ZNF331: variants seen among roughly 807,000 people sequenced by gnomAD.
The protein encoded by ZNF331 is zinc finger protein 331, also known as C2H2-like zinc finger protein rearranged in thyroid adenomas.
Under a neutral mutation model 7.0 loss-of-function variants are expected in ZNF331, and 2 were observed. The observed-to-expected ratio is 0.29, with a 90% confidence interval of 0.12 to 0.90. The LOEUF (loss-of-function observed/expected upper bound fraction) is 0.90. Ranked by LOEUF, ZNF331 falls within the 40% of genes least tolerant of loss-of-function variation. The pLI is 0.58. For synonymous variants in ZNF331, 196 were observed against 205.4 expected, an observed-to-expected ratio of 0.95 and a Z score of 0.39; for missense variants, 432 against 587.7, an observed-to-expected ratio of 0.74 and a Z score of 2.74.
At chr19:53,507,507 T>C in the ZNF331 span, among the ~76,000 whole-genome samples, 3 of 152,024 alleles carry the variant, frequency 2.0e-5, no homozygotes, top group Middle Eastern at 3.2e-3. Flanking sequence ...TCGGTGAAAA[T>C]TTTATGCCCT....
At chr19:53,504,595 C>T in the ZNF331 span, among the ~76,000 whole-genome samples, 119 of 152,144 alleles carry the variant, frequency 7.8e-4, no homozygotes, top group African/African-American at 2.7e-3. Context: ...CTGTGTCCCT[C>T]GGAGTAGACG....
chr19:53,506,400 ACTCTCTCTCTCCTCTCTCTCTCTCT>A, the ZNF331 span, among the ~76,000 whole-genome samples: 269 of 105,566 alleles, frequency 2.5e-3, 7 homozygotes, highest in African/African-American at 9.7e-3. Flanking sequence ...CCACATACAC[ACTCTCTCTCTCCTCTCTCTCTCTCT>A]CTCTCTCTCT....
rs1383580596 is a variant in ZNF331, at chr19:53,538,202, G to A, written c.-299G>A. 2 of 152,248 alleles carry A rather than the reference G, an allele frequency of 1.3e-5. No individual in the cohort carries two copies. The highest frequency in any genetic ancestry group is 2.9e-5 in the Non-Finnish European group (2 of 68,092). The allele number at this position is 152,248 out of a possible 1,614,324, so 9.4% of individuals were successfully genotyped here. A position where few individuals can be genotyped will look rare whatever the true frequency, so the allele number is the denominator to read the frequency against. ...GGCCCTGTCCCCGTAACTGTGACAC[G>A]GGTGCACGCGAGCGTCATTGGGGGC... On this transcript the variant is annotated 5_prime_UTR_variant, in exon 1 of 6. Transcript: ENST00000449416.
chr19:53,576,900 A>G lies in ZNF331; in HGVS notation c.340A>G (p.Arg114Gly). 1 of 1,614,126 alleles carries G rather than the reference A, an allele frequency of 6.2e-7. No individual in the cohort carries two copies. Among genetic ancestry groups the G allele is most frequent in the Non-Finnish European group, 8.5e-7 (1 of 1,179,978 alleles). Residue 114 changes from arginine (R) to glycine (G), a missense_variant, in exon 6 of 6, where the codon AGA (arginine) becomes GGA (glycine). Transcript: ENST00000449416. ...CAATTATGTCAAAAGACCTGCTACT[A>G]GAGAAGGCACCCCTCCTAGAACACA... ...IINYVKRPAT[R>G]EGTPPRTHQR...
intron 2 of ZNF331, among the ~76,000 whole-genome samples, chr19:53,524,728 G>C (rs912672293): frequency 5.9e-5 from 9 of 152,204 alleles, no homozygotes; most frequent in African/African-American, 1.9e-4. Context: ...TGTTCCTTCT[G>C]ATAGTAGTTT....
upstream of ZNF331, among the ~76,000 whole-genome samples, chr19:53,519,828 A>G (rs916179947): frequency 6.6e-6 from 1 of 152,022 alleles, no homozygotes; most frequent in African/African-American, 2.4e-5. Flanking sequence ...GAGCTCCCCA[A>G]TCTACTGGGG....
intron 2 of ZNF331, among the ~76,000 whole-genome samples, chr19:53,530,349 T>C (rs1264844604): frequency 6.7e-6 from 1 of 149,878 alleles, no homozygotes; most frequent in African/African-American, 2.5e-5. Context: ...GGGATGACAG[T>C]TCACCTCCCA....
intron 2 of ZNF331, among the ~76,000 whole-genome samples, chr19:53,526,668 T>C (rs933617341): frequency 6.6e-6 from 1 of 151,760 alleles, no homozygotes; most frequent in East Asian, 2.0e-4. Flanking sequence ...TTCTCCTGCC[T>C]CAGCTTCCCG....
At chr19:53,561,090 C>T (rs1018045101) in intron 3 of ZNF331, among the ~76,000 whole-genome samples, 1 of 151,976 alleles carries the variant, frequency 6.6e-6, no homozygotes, top group Non-Finnish European at 1.5e-5. Flanking sequence ...CCCAGGAGAT[C>T]GAAGCTGCAG....
At chr19:53,572,100 G>A (rs2090471460) in intron 5 of ZNF331, among the ~76,000 whole-genome samples, 1 of 152,186 alleles carries the variant, frequency 6.6e-6, no homozygotes, top group South Asian at 2.1e-4. Flanking sequence ...GGGAAAACAT[G>A]TGGACACAGT....
At chr19:53,535,247 C>T (rs2087703027), upstream of ZNF331, among the ~76,000 whole-genome samples, 2 of 151,634 alleles carry the variant, frequency 1.3e-5, no homozygotes, top group African/African-American at 4.8e-5. Context: ...GTCTGCCACA[C>T]ATTCAGCTAA....
At chr19:53,552,845 CGTAT>C (rs2089100085) in intron 2 of ZNF331, among the ~76,000 whole-genome samples, 1 of 151,970 alleles carries the variant, frequency 6.6e-6, no homozygotes, top group Non-Finnish European at 1.5e-5. Context: ...TACATATTGC[CGTAT>C]GTATTAGATA....
At chr19:53,543,668 C>T (rs1420120521) in intron 2 of ZNF331, among the ~76,000 whole-genome samples, 1 of 152,150 alleles carries the variant, frequency 6.6e-6, no homozygotes, top group Non-Finnish European at 1.5e-5. Context: ...TCAATAATAA[C>T]AGGTAACTTC....
chr19:53,550,529 C>CT (rs60619357), intron 2 of ZNF331, among the ~76,000 whole-genome samples: 24,465 of 64,158 alleles, frequency 0.38, 5,766 homozygotes, highest in Non-Finnish European at 0.41. Flanking sequence ...TCTATTTTGT[C>CT]TTTTTTTTTT....
chr19:53,553,066 CTT>C (rs1259166511), intron 2 of ZNF331, among the ~76,000 whole-genome samples: 2 of 152,094 alleles, frequency 1.3e-5, no homozygotes, highest in Non-Finnish European at 2.9e-5. Flanking sequence ...ACCTTCCTCT[CTT>C]AGTAATTAAT....
At chr19:53,526,963 G>A (rs2087324740) in intron 2 of ZNF331, among the ~76,000 whole-genome samples, 1 of 151,710 alleles carries the variant, frequency 6.6e-6, no homozygotes, top group Admixed American at 6.6e-5. Flanking sequence ...GGCCAAGGCA[G>A]GCGGATCACG....
intron 3 of ZNF331, among the ~76,000 whole-genome samples, chr19:53,562,493 C>T (rs2089940920): frequency 1.3e-5 from 2 of 152,076 alleles, no homozygotes; most frequent in Non-Finnish European, 2.9e-5. Flanking sequence ...AGTTCGAGAC[C>T]AGCCTGGCTA....
intron 2 of ZNF331, among the ~76,000 whole-genome samples, chr19:53,529,401 TA>T (rs61435436): frequency 2.8e-3 from 409 of 144,848 alleles, no homozygotes; most frequent in Middle Eastern, 3.6e-3. Flanking sequence ...CTCTGTCTTT[TA>T]AAAAAAAAAA....
At chr19:53,568,279 A>G (rs190328528) in intron 3 of ZNF331, among the ~76,000 whole-genome samples, 1 of 151,232 alleles carries the variant, frequency 6.6e-6, no homozygotes, top group East Asian at 1.9e-4. Flanking sequence ...GTTGAAGTCC[A>G]GGAGGGTTCC....
Sources: gnomAD v4.1 joint callset for allele counts (sites outside exome capture counted in the v4.1 genomes callset) on GRCh38, gnomAD v4.1.1 for gene constraint, MANE v1.5 for transcripts, NCBI Gene and HGNC (gene_info 2026-07-23, HGNC 2026-07-21) for gene names.